Variants in ANGPT4 observed in about 807,000 individuals in gnomAD.
The protein encoded by ANGPT4 is angiopoietin 4.
Under a neutral mutation model 53.0 loss-of-function variants are expected in ANGPT4, and 50 were observed. The observed-to-expected ratio is 0.94, with a 90% CI of 0.75 to 1.20. The LOEUF is 1.20. Ranked by LOEUF, ANGPT4 falls within the 50% of genes most tolerant of loss-of-function variation. The pLI, the probability that ANGPT4 is intolerant of heterozygous loss-of-function variation, is 0.00. For synonymous variants in ANGPT4, 251 were observed against 259.7 expected (o/e 0.97, Z 0.32); for missense variants, 648 against 637.1 (o/e 1.02, Z -0.18).
chr20:874,187 G>T, intron 8 of ANGPT4, 97 bp downstream of exon 8: 1 of 1,553,380 alleles, frequency 6.4e-7, no homozygotes, highest in Non-Finnish European at 8.8e-7. Flanking sequence ...CCATCCTCCT[G>T]ACAGCACCTG....
chr20:902,150 T>G (rs1305384787), intron 1 of ANGPT4, among the ~76,000 whole-genome samples: 1 of 152,146 alleles, frequency 6.6e-6, no homozygotes, highest in Non-Finnish European at 1.5e-5. Flanking sequence ...AATAGGGTGA[T>G]GGTGATGGCG....
At chr20:909,122 C>T (rs1466724647) in intron 1 of ANGPT4, among the ~76,000 whole-genome samples, 1 of 152,138 alleles carries the variant, frequency 6.6e-6, no homozygotes, top group Non-Finnish European at 1.5e-5. Context: ...GTGTAAACTC[C>T]CTGGGCCTCC....
At position 887,634 on chromosome 20, in the gene ANGPT4, C is replaced by T. The variant is rs1013915758; in HGVS notation, c.587+684G>A. Among the ~76,000 whole-genome samples, 17 of 77,152 alleles carry T rather than the reference C, an allele frequency of 2.2e-4. No homozygotes were observed. In the Admixed American group the frequency reaches 3.0e-3, roughly 13 times the overall value. The allele number at this position is 77,152 out of a possible 152,430, so 50.6% of individuals were successfully genotyped here. On this transcript the variant is annotated intron_variant, in intron 3 of 8. Transcript: ENST00000381922. ...TTCTGCTTTATCTAAACCTCATGACCGCTTTTTTTTTTTTTTTTTTGTAAT... is the reference window on the plus strand; with the variant it reads ...TTCTGCTTTATCTAAACCTCATGACTGCTTTTTTTTTTTTTTTTTTGTAAT...
chr20:894,685 G>C (rs144335213), intron 1 of ANGPT4, among the ~76,000 whole-genome samples: 55 of 152,316 alleles, frequency 3.6e-4, no homozygotes, highest in African/African-American at 1.3e-3. Flanking sequence ...CCTGCTCCAA[G>C]TAGTCAAACA....
Position 908,953 on chromosome 20 carries a change from C to T in ANGPT4, c.309+6953G>A, listed in dbSNP as rs1025318605. On this transcript the variant is annotated intron_variant, in intron 1 of 8. Coordinates refer to ENST00000381922, the MANE Select transcript of ANGPT4 (RefSeq NM_015985.4). The surrounding 1 kb of genome is among the most constrained non-coding windows in gnomAD (Gnocchi z 4.9). The stretch of plus-strand genomic sequence containing the variant: ...TGGGTTCTGGGCCAACTCCTGCCAC[C>T]GACCCTTGGGTGAATGTGATTGAGT... Among the ~76,000 whole-genome samples, 11 of 152,096 alleles carry T rather than the reference C, an allele frequency of 7.2e-5. No individual in the cohort carries two copies. Among genetic ancestry groups the T allele is most frequent in the African/African-American group, 2.2e-4 (9 of 41,410 alleles).
At position 872,855 on chromosome 20, in the gene ANGPT4, G is replaced by A; in HGVS notation, c.*105C>T. On this transcript the variant is annotated 3_prime_UTR_variant, in exon 9 of 9. Coordinates refer to ENST00000381922, the MANE Select transcript of ANGPT4 (RefSeq NM_015985.4). Reference sequence around the variant, plus strand: ...AGGGCTGGCTCAGGAAGCCCAGGGTGTCAGGGAAGGCGGTGGCACAGTGTC... The same window carrying A: ...AGGGCTGGCTCAGGAAGCCCAGGGTATCAGGGAAGGCGGTGGCACAGTGTC... 6.9e-7 allele frequency: 1 copy of A among 1,445,044 alleles called. No individual in the cohort carries two copies. The highest frequency in any genetic ancestry group is 9.5e-7 in the Non-Finnish European group (1 of 1,058,124). The allele number at this position is 1,445,044 out of a possible 1,614,324, so 89.5% of individuals were successfully genotyped here.
At chr20:878,043 C>A in intron 7 of ANGPT4, 118 bp downstream of exon 7, 2 of 1,181,494 alleles carry the variant, frequency 1.7e-6, no homozygotes, top group East Asian at 2.6e-5. Flanking sequence ...ATGGTAGGAA[C>A]AGGAGACACC....
In ANGPT4 at chr20:916,301, G is replaced by T. The variant is rs1982945383; in HGVS notation, c.-87C>A. ...TCCTGCTGCAGCCAACAGTGGCCAG[G>T]CTTGCCTGCAGCTGCAGCTACAAAC... On this transcript the variant is annotated 5_prime_UTR_variant, in exon 1 of 9. Coordinates refer to ENST00000381922, the MANE Select transcript of ANGPT4 (RefSeq NM_015985.4). 1.4e-6 allele frequency: 2 copies of T among 1,434,758 alleles called. No homozygotes were observed. Among genetic ancestry groups the T allele is most frequent in the South Asian group, 1.3e-5 (1 of 75,892 alleles). 88.9% of individuals were successfully genotyped at this position (1,434,758 alleles called of 1,614,324 possible). A position where few individuals can be genotyped will look rare whatever the true frequency, so the allele number is the denominator to read the frequency against.
At chr20:883,085 A>G (rs1330862236) in intron 4 of ANGPT4, among the ~76,000 whole-genome samples, 2 of 152,212 alleles carry the variant, frequency 1.3e-5, no homozygotes, top group Admixed American at 6.5e-5. Context: ...CAAGAACTCT[A>G]TGAGATTATT....
chr20:881,165 C>A lies in ANGPT4; in HGVS notation c.951+6G>T. 1 of 1,572,300 alleles carries A rather than the reference C, an allele frequency of 6.4e-7. No individual in the cohort carries two copies. Among genetic ancestry groups the A allele is most frequent in the Non-Finnish European group, 8.6e-7 (1 of 1,159,334 alleles). On this transcript the variant is annotated splice_donor_region_variant and intron_variant, in intron 5 of 8. Coordinates refer to ENST00000381922, the MANE Select transcript of ANGPT4 (RefSeq NM_015985.4). ...AACAGCCACAGTTCCCAGGGAGCCC[C>A]CTAACCTTCCTGGGCTTCGTTGCAT...
At chr20:895,292 G>A (rs911601960) in intron 1 of ANGPT4, among the ~76,000 whole-genome samples, 2 of 152,130 alleles carry the variant, frequency 1.3e-5, no homozygotes, top group African/African-American at 2.4e-5. Context: ...CCTATGATGG[G>A]GTACAAAGGC....
chr20:915,963 G>T lies in ANGPT4; in HGVS notation c.252C>A (p.Thr84=), dbSNP rs757405231. The T allele has an allele frequency of 6.2e-7, 1 of 1,609,538 alleles. No individual in the cohort carries two copies. The highest frequency in any genetic ancestry group is 8.5e-7 in the Non-Finnish European group (1 of 1,176,514). ...ANPLHLGKLP[T]QQVKQLEQAL... The stretch of plus-strand genomic sequence containing the variant: ...CCTGCTCCAGCTGTTTCACCTGCTG[G>T]GTGGGCAACTTCCCCAGGTGCAGTG... Residue 84 remains threonine, a synonymous_variant, in exon 1 of 9, where the codon ACC becomes ACA. Transcript: ENST00000381922.
chr20:874,619 G>A (rs1981088756), intron 7 of ANGPT4, among the ~76,000 whole-genome samples: 1 of 152,228 alleles, frequency 6.6e-6, no homozygotes, highest in African/African-American at 2.4e-5. Flanking sequence ...CAGGGACAAA[G>A]CACTTACTGT....
chr20:890,478 C>T, intron 1 of ANGPT4, 110 bp from the exon 2 acceptor site: 1 of 1,006,744 alleles, frequency 9.9e-7, no homozygotes, highest in Non-Finnish European at 1.4e-6. Flanking sequence ...GCCTCCCTGG[C>T]TCAGAACATG....
intron 2 of ANGPT4, 138 bp downstream of exon 2, chr20:890,075 G>T (rs1981772323): frequency 1.9e-6 from 2 of 1,042,116 alleles, no homozygotes; most frequent in Non-Finnish European, 1.4e-6. Context: ...TCATCAGGGA[G>T]GAGGGACCCG....
intron 6 of ANGPT4, among the ~76,000 whole-genome samples, chr20:878,966 T>TC (rs1411973312): frequency 6.6e-6 from 1 of 152,168 alleles, no homozygotes; most frequent in African/African-American, 2.4e-5. Context: ...CAAGGCCCGC[T>TC]CCCCAATTTA....
In ANGPT4 at chr20:916,271, G is replaced by T; in HGVS notation, c.-57C>A. 6.4e-7 allele frequency: 1 copy of T among 1,551,576 alleles called. No homozygotes were observed. The highest frequency in any genetic ancestry group is 8.8e-7 in the Non-Finnish European group (1 of 1,142,334). ...CTCAGAGCCCTAGGGGCTGTGCCTG[G>T]GATGTCCTGCTGCAGCCAACAGTGG... is the stretch of plus-strand genomic sequence containing the variant. On this transcript the variant is annotated 5_prime_UTR_variant, in exon 1 of 9. Coordinates refer to ENST00000381922, the MANE Select transcript of ANGPT4 (RefSeq NM_015985.4).
At chr20:904,060 GT>G (rs1982388640) in intron 1 of ANGPT4, among the ~76,000 whole-genome samples, 1 of 152,210 alleles carries the variant, frequency 6.6e-6, no homozygotes, top group Non-Finnish European at 1.5e-5. Flanking sequence ...ACCTAGCTGT[GT>G]GTGTGTGTTT....
In ANGPT4 at chr20:908,190, G is replaced by A. The variant is rs113414001; in HGVS notation, c.309+7716C>T. ...TCAGTGAGGACAGGACAGAAAAGTG[G>A]CCACATCTCTTCCCAGTCTCCATGG... On this transcript the variant is annotated intron_variant, in intron 1 of 8. Coordinates refer to ENST00000381922, the MANE Select transcript of ANGPT4 (RefSeq NM_015985.4). The surrounding 1 kb of genome is among the most constrained non-coding windows in gnomAD (Gnocchi z 4.9). 0.019 allele frequency among the ~76,000 whole-genome samples: 2,882 copies of A among 152,162 alleles called. 90 individuals are homozygous for A. Among genetic ancestry groups the A allele is most frequent in the African/African-American group, 0.066 (2,743 of 41,482 alleles).
Sources: gnomAD v4.1 joint callset for allele counts (sites outside exome capture counted in the v4.1 genomes callset) on GRCh38, gnomAD v4.1.1 for gene constraint, Gnocchi (gnomAD v3.1) non-coding constraint, MANE v1.5 for transcripts, NCBI Gene and HGNC (gene_info 2026-07-23, HGNC 2026-07-21) for gene names.